Variants in MLKL observed in about 807,000 individuals in gnomAD.
MLKL encodes mixed lineage kinase domain like pseudokinase, also known as mixed lineage kinase domain-like protein.
Under a neutral mutation model 56.5 loss-of-function variants are expected in MLKL, and 55 were observed. The ratio of observed to expected loss-of-function variants is 0.97; its 90% CI spans 0.78 to 1.22. MLKL has a LOEUF of 1.22. Among genes scored for constraint, MLKL ranks in the 50% most tolerant of loss-of-function variants. The probability of loss-of-function intolerance (pLI) is 0.00; values close to 1 mark genes in which losing one functional copy is unlikely to be tolerated. For synonymous variants in MLKL, 251 were observed against 208.3 expected, an observed-to-expected ratio of 1.20 and a Z score of -1.76; for missense variants, 694 against 573.9, an observed-to-expected ratio of 1.21 and a Z score of -2.14.
At chr16:74,696,623 CAAAAATAAA>C (rs1961057189) in intron 1 of MLKL, among the ~76,000 whole-genome samples, 1 of 147,866 alleles carries the variant, frequency 6.8e-6, no homozygotes, top group South Asian at 2.1e-4. Flanking sequence ...CCTTTCTCTA[CAAAAATAAA>C]AAAAATAAAA....
chr16:74,675,352 C>G lies in MLKL; in HGVS notation c.1240+3G>C, dbSNP rs769133350. ...TGGCTGAGCCAGTCTTCACATTCTT[C>G]ACCTTGAAACGGGATATCTCCAGTG... On this transcript the variant is annotated splice_donor_region_variant and intron_variant, in intron 9 of 10. Transcript: ENST00000308807. The G allele has an allele frequency of 6.2e-7, 1 of 1,614,072 alleles. No homozygotes were observed. Among genetic ancestry groups the G allele is most frequent in the East Asian group, 2.2e-5 (1 of 44,904 alleles).
chr16:74,697,015 A>G (rs1961087938), intron 1 of MLKL, among the ~76,000 whole-genome samples: 1 of 147,440 alleles, frequency 6.8e-6, no homozygotes, highest in South Asian at 2.1e-4. Flanking sequence ...ATAATATTAC[A>G]TATATATAGT....
rs928810030 is a variant in MLKL at position 74,690,915 on chromosome 16, C to T, written c.722+362G>A. On this transcript the variant is annotated intron_variant, in intron 4 of 10. Coordinates refer to ENST00000308807, the MANE Select transcript of MLKL (RefSeq NM_152649.4). ...TGAAAAAAGTGAGGAAAGGAGGCAA[C>T]AGACACGTAACTCTACCAGTTGTGA... Among the ~76,000 whole-genome samples the T allele has an allele frequency of 1.0e-4, 15 of 150,720 alleles. No individual in the cohort carries two copies. The Admixed American group carries it at 1.0e-3, about 10-fold the overall frequency.
At position 74,695,277 on chromosome 16, in the gene MLKL, C is replaced by A. The variant is rs752960802; in HGVS notation, c.460+21G>T. The stretch of plus-strand genomic sequence containing the variant: ...AATGCATTCAACTGCACTCCCACTC[C>A]CCACCAAAGACCCAGCTTGCCTCTT... On this transcript the variant is annotated intron_variant, in intron 2 of 10. Transcript: ENST00000308807. The A allele has an allele frequency of 1.2e-6, 2 of 1,608,762 alleles. No homozygotes were observed.
At chr16:74,696,712 C>G (rs1391645624) in intron 1 of MLKL, among the ~76,000 whole-genome samples, 1 of 151,380 alleles carries the variant, frequency 6.6e-6, no homozygotes, top group Non-Finnish European at 1.5e-5. Flanking sequence ...AATCCCAGCA[C>G]TTTGGAAGGC....
intron 4 of MLKL, among the ~76,000 whole-genome samples, chr16:74,687,425 G>A (rs527276164): frequency 3.5e-4 from 52 of 150,066 alleles, no homozygotes; most frequent in Non-Finnish European, 4.7e-4. Flanking sequence ...AAAAAAAAAA[G>A]CAAAAACAAA....
intron 4 of MLKL, among the ~76,000 whole-genome samples, 187 bp downstream of exon 4, chr16:74,691,090 G>A (rs1960644069): frequency 6.6e-6 from 1 of 151,682 alleles, no homozygotes; most frequent in Admixed American, 6.6e-5. Flanking sequence ...ACAAAGGAGA[G>A]AAGACCTAGA....
chr16:74,682,544 G>C, intron 6 of MLKL, 107 bp downstream of exon 6: 3 of 1,450,310 alleles, frequency 2.1e-6, no homozygotes, highest in Non-Finnish European at 2.8e-6. Context: ...GTGTATGGGA[G>C]GGAGACTGTC....
At chr16:74,698,391 T>G (rs1317686049) in intron 1 of MLKL, among the ~76,000 whole-genome samples, 1 of 152,166 alleles carries the variant, frequency 6.6e-6, no homozygotes, top group Non-Finnish European at 1.5e-5. Flanking sequence ...AGTAAGGCAC[T>G]GGCAGAAGTG....
intron 7 of MLKL, chr16:74,676,673 G>A (rs749657087): frequency 1.2e-5 from 2 of 171,928 alleles, no homozygotes; most frequent in Non-Finnish European, 2.3e-5. Flanking sequence ...AAAGGCATCT[G>A]AAAGGCAAAA....
rs146451868 is a variant in MLKL at position 74,693,850 on chromosome 16, G to T, written c.461-1434C>A. 1.6e-3 allele frequency among the ~76,000 whole-genome samples: 250 copies of T among 152,188 alleles called. 1 individual carries two copies. The highest frequency in any genetic ancestry group is 5.6e-3 in the African/African-American group (233 of 41,536). On this transcript the variant is annotated intron_variant, in intron 2 of 10. Coordinates refer to ENST00000308807, the MANE Select transcript of MLKL (RefSeq NM_152649.4). ...AATCTCCTGACCTCATGATCCGCCC[G>T]CCTCGGCCTCCCAAAGTGCTGGGAT...
At chr16:74,674,341 C>T (rs184583477) in intron 10 of MLKL, among the ~76,000 whole-genome samples, 2 of 151,258 alleles carry the variant, frequency 1.3e-5, no homozygotes, top group South Asian at 2.1e-4. Flanking sequence ...TTAATAGAGA[C>T]GAGGTTTCAT....
chr16:74,690,320 G>A (rs1325536878), intron 4 of MLKL, among the ~76,000 whole-genome samples: 1 of 152,170 alleles, frequency 6.6e-6, no homozygotes, highest in African/African-American at 2.4e-5. Flanking sequence ...ACACTGTTCT[G>A]AAGAGTTGCC....
In MLKL at chr16:74,675,774, G is replaced by C. The variant is rs745569279; in HGVS notation, c.1039-10C>G. ...ACTCAAATCCTGCAAGCTAGATAGA[G>C]AGGCAACTTAGAAAGAAACAAGCAA... On this transcript the variant is annotated splice_polypyrimidine_tract_variant and intron_variant, in intron 7 of 10. Coordinates refer to ENST00000308807, the MANE Select transcript of MLKL (RefSeq NM_152649.4). 2 of 1,613,126 alleles carry C rather than the reference G, an allele frequency of 1.2e-6. No homozygotes were observed. The highest frequency in any genetic ancestry group is 1.1e-5 in the South Asian group (1 of 90,878).
Position 74,695,357 on chromosome 16 carries a change from G to T in MLKL, c.401C>A (p.Ala134Glu). Residue 134 changes from alanine to glutamate, a missense_variant, in exon 2 of 11, where the codon GCA (alanine) becomes GAA (glutamate). Ala to Glu is a moderately radical substitution (Grantham distance 107). Coordinates refer to ENST00000308807, the MANE Select transcript of MLKL (RefSeq NM_152649.4). ...VSPISQGASW[A>E]QEDQQDADED... The stretch of plus-strand genomic sequence containing the variant: ...GTCTGCATCCTGCTGATCTTCCTGT[G>T]CCCAGGACGCTCCTTGGCTTATGGG... 1 of 1,614,152 alleles carries T rather than the reference G, an allele frequency of 6.2e-7. No homozygotes were observed. The highest frequency in any genetic ancestry group is 8.5e-7 in the Non-Finnish European group (1 of 1,180,032).
intron 4 of MLKL, among the ~76,000 whole-genome samples, chr16:74,689,073 A>G (rs190850723): frequency 9.3e-5 from 14 of 150,732 alleles, no homozygotes; most frequent in African/African-American, 3.4e-4. Flanking sequence ...AATGACTGCT[A>G]GTGGGTATAG....
intron 1 of MLKL, among the ~76,000 whole-genome samples, chr16:74,699,111 TCAAAAA>T (rs1294146866): frequency 1.3e-5 from 2 of 151,394 alleles, no homozygotes; most frequent in Non-Finnish European, 2.9e-5. Flanking sequence ...AAACTCCGTC[TCAAAAA>T]CAAAAACAAA....
chr16:74,693,763 C>T (rs1218019782), intron 2 of MLKL, among the ~76,000 whole-genome samples: 1 of 152,002 alleles, frequency 6.6e-6, no homozygotes, highest in Non-Finnish European at 1.5e-5. Flanking sequence ...ACCACCTCGC[C>T]CGTCTAATTT....
In MLKL at chr16:74,675,714, A is replaced by T. The variant is rs768408708; in HGVS notation, c.1089T>A (p.Thr363=). 1.2e-6 allele frequency: 2 copies of T among 1,614,040 alleles called. No individual in the cohort carries two copies. The highest frequency in any genetic ancestry group is 2.7e-5 in the African/African-American group (2 of 74,936). The change falls in exon 8 of 11, where the codon ACT becomes ACA. Residue 363 remains threonine (T), a synonymous_variant. Transcript: ENST00000308807. The part of the protein sequence containing the change: ...RKTQTSMSLG[T]TREKTDRVKS... ...TGACTCTGTCTGTCTTTTCTCTCGT[A>T]GTTCCCAAACTCATGGAAGTCTGTG...
Sources: gnomAD v4.1 joint callset for allele counts (sites outside exome capture counted in the v4.1 genomes callset) on GRCh38, gnomAD v4.1.1 for gene constraint, MANE v1.5 for transcripts, NCBI Gene and HGNC (gene_info 2026-07-23, HGNC 2026-07-21) for gene names.